Variants in CFTR observed in about 807,000 individuals in gnomAD.
CFTR encodes cystic fibrosis transmembrane conductance regulator.
CFTR carries 181 observed loss-of-function variants against 171.6 expected under a neutral mutation model. That is an observed-to-expected ratio of 1.05 (90% CI 0.93 to 1.19). The LOEUF (loss-of-function observed/expected upper bound fraction) is 1.19, where lower values mean the gene tolerates loss of function less well. Ranked by LOEUF, CFTR falls within the 50% of genes most tolerant of loss-of-function variation. The pLI, the probability that CFTR is intolerant of heterozygous loss-of-function variation, is 0.00. For missense variants in CFTR, 1,968 were observed against 1,734.7 expected, an observed-to-expected ratio of 1.13 and a Z score of -2.39; for synonymous variants, 583 against 608.0, an observed-to-expected ratio of 0.96 and a Z score of 0.60.
intron 24 of CFTR, among the ~76,000 whole-genome samples, chr7:117,661,169 A>G (rs889265767): frequency 1.1e-4 from 17 of 152,336 alleles, no homozygotes; most frequent in African/African-American, 3.6e-4. Context: ...TTAAATGTTT[A>G]CTGACTTCAA....
chr7:117,484,415 C>G (rs954494135), intron 1 of CFTR, among the ~76,000 whole-genome samples: 1 of 152,284 alleles, frequency 6.6e-6, no homozygotes, highest in Admixed American at 6.5e-5. Context: ...TCTCTCTTGG[C>G]TTTACATCCT....
intron 2 of CFTR, among the ~76,000 whole-genome samples, chr7:117,507,052 A>G (rs935187838): frequency 6.6e-6 from 1 of 152,182 alleles, no homozygotes; most frequent in Non-Finnish European, 1.5e-5. Flanking sequence ...TGAATCCTCT[A>G]CATAACTGCA....
At chr7:117,587,085 G>A (rs1439010526) in intron 11 of CFTR, among the ~76,000 whole-genome samples, 1 of 152,130 alleles carries the variant, frequency 6.6e-6, no homozygotes, top group Non-Finnish European at 1.5e-5. Flanking sequence ...TGCCTAGAAT[G>A]ATTGTTACCA....
At chr7:117,512,633 CAAAA>C (rs5886861) in intron 3 of CFTR, among the ~76,000 whole-genome samples, 2 of 68,892 alleles carry the variant, frequency 2.9e-5, no homozygotes. Context: ...GACTCCATCT[CAAAA>C]AAAAAAAAAA....
chr7:117,594,833 A>G (rs1792095194), intron 14 of CFTR, 97 bp from the exon 15 acceptor site: 3 of 1,069,256 alleles, frequency 2.8e-6, no homozygotes, highest in Non-Finnish European at 4.2e-6. Context: ...AGATTCAAGT[A>G]ATACTATTCT....
intron 22 of CFTR, among the ~76,000 whole-genome samples, chr7:117,631,801 A>G (rs1197101652): frequency 6.6e-6 from 1 of 152,214 alleles, no homozygotes; most frequent in Non-Finnish European, 1.5e-5. Context: ...CCATTCTAGC[A>G]AATTATCAAA....
intron 13 of CFTR, among the ~76,000 whole-genome samples, chr7:117,591,645 G>A (rs1026609008): frequency 2.0e-5 from 3 of 152,010 alleles, no homozygotes; most frequent in Non-Finnish European, 2.9e-5. Flanking sequence ...GAGAGACCCC[G>A]AGGATAAATG....
At chr7:117,648,747 T>C (rs1443171032) in intron 23 of CFTR, among the ~76,000 whole-genome samples, 1 of 152,050 alleles carries the variant, frequency 6.6e-6, no homozygotes, top group Non-Finnish European at 1.5e-5. Flanking sequence ...GGAGATGAGT[T>C]TGTGGAAAGT....
chr7:117,520,696 C>T (rs1369857681), intron 3 of CFTR, among the ~76,000 whole-genome samples: 1 of 151,656 alleles, frequency 6.6e-6, no homozygotes, highest in African/African-American at 2.4e-5. Context: ...TAATGTAAAC[C>T]CTCTGACACA....
At chr7:117,496,437 C>A (rs941488919) in intron 1 of CFTR, among the ~76,000 whole-genome samples, 3 of 152,134 alleles carry the variant, frequency 2.0e-5, no homozygotes, top group African/African-American at 4.8e-5. Flanking sequence ...CTCCAGGGCT[C>A]AAGTGGTCCT....
intron 23 of CFTR, among the ~76,000 whole-genome samples, chr7:117,645,867 A>G (rs1400815042): frequency 1.3e-5 from 2 of 152,152 alleles, no homozygotes; most frequent in African/African-American, 2.4e-5. Context: ...ACACAAAATC[A>G]TCACCAATTA....
chr7:117,596,654 C>T (rs1584814698), intron 15 of CFTR, among the ~76,000 whole-genome samples: 1 of 152,298 alleles, frequency 6.6e-6, no homozygotes, highest in East Asian at 1.9e-4. Context: ...GTATCTAGCT[C>T]AAGGTTTGTA....
At chr7:117,532,657 A>G (rs1798882440) in intron 4 of CFTR, among the ~76,000 whole-genome samples, 1 of 152,194 alleles carries the variant, frequency 6.6e-6, no homozygotes. Context: ...CATATGTAAC[A>G]TTTAGCACAA....
intron 13 of CFTR, among the ~76,000 whole-genome samples, 169 bp from the exon 14 acceptor site, chr7:117,591,765 C>G (rs1792027642): frequency 6.6e-6 from 1 of 152,120 alleles, no homozygotes; most frequent in South Asian, 2.1e-4. Context: ...TCAGAATTCA[C>G]AAGGTACCAA....
intron 9 of CFTR, among the ~76,000 whole-genome samples, chr7:117,543,261 T>C (rs549431307): frequency 1.3e-5 from 2 of 152,340 alleles, no homozygotes; most frequent in African/African-American, 4.8e-5. Flanking sequence ...TTTAAAGATA[T>C]AGTAAGAGTA....
At chr7:117,549,821 G>A (rs1164587325) in intron 10 of CFTR, among the ~76,000 whole-genome samples, 1 of 151,992 alleles carries the variant, frequency 6.6e-6, no homozygotes, top group Non-Finnish European at 1.5e-5. Flanking sequence ...AGAAGGAAAT[G>A]AGGAAGAAAG....
intron 11 of CFTR, among the ~76,000 whole-genome samples, chr7:117,567,407 T>C (rs1270074957): frequency 6.6e-6 from 1 of 152,236 alleles, no homozygotes; most frequent in Non-Finnish European, 1.5e-5. Flanking sequence ...GGAATGTTGG[T>C]ATTTCTAAAA....
At chr7:117,643,957 C>T (rs550936428) in intron 23 of CFTR, among the ~76,000 whole-genome samples, 31 of 152,196 alleles carry the variant, frequency 2.0e-4, no homozygotes, top group African/African-American at 5.3e-4. Flanking sequence ...GCATGTTTGA[C>T]GTAGGAACGT....
chr7:117,499,165 G>T lies in CFTR; in HGVS notation c.54-5088G>T, dbSNP rs968275156. ...TCTACACTAAAAATCATTTTGACTT[G>T]AAAAGATCTGATATCCATGACCTTC... On this transcript the variant is annotated intron_variant, in intron 1 of 26. Transcript: ENST00000003084. 2.0e-5 allele frequency among the ~76,000 whole-genome samples: 3 copies of T among 151,998 alleles called. 1 individual carries two copies. Among genetic ancestry groups the T allele is most frequent in the African/African-American group, 2.4e-5 (1 of 41,392 alleles).
Sources: gnomAD v4.1 joint callset for allele counts (sites outside exome capture counted in the v4.1 genomes callset) on GRCh38, gnomAD v4.1.1 for gene constraint, MANE v1.5 for transcripts, NCBI Gene and HGNC (gene_info 2026-07-23, HGNC 2026-07-21) for gene names.